The following ENDOG variants were observed in gnomAD, a reference collection of about 807,000 sequenced individuals.
ENDOG encodes the protein endonuclease G, mitochondrial.
Under a neutral mutation model 22.6 loss-of-function variants are expected in ENDOG, and 22 were observed. The observed-to-expected ratio is 0.97, with a 90% confidence interval of 0.70 to 1.39. ENDOG has a LOEUF of 1.39. Among genes scored for constraint, ENDOG ranks in the 40% most tolerant of loss-of-function variants. The pLI is 0.00. For missense variants in ENDOG, 403 were observed against 431.3 expected (o/e 0.93, Z 0.58); for synonymous variants, 173 against 200.2 (o/e 0.86, Z 1.15).
intron 1 of ENDOG, among the ~76,000 whole-genome samples, chr9:128,819,487 G>A (rs1219411862): frequency 5.3e-5 from 8 of 152,186 alleles, no homozygotes. Flanking sequence ...AGGCGCTGAG[G>A]CTCACAGAGG....
In ENDOG at chr9:128,819,201, C is replaced by G; in HGVS notation, c.501+16C>G. ...CGCGCCCCAGGTAGCGCCCGCGCCC[C>G]GGGCCGGTCGCGGAATGCGGGGCCG... On this transcript the variant is annotated intron_variant, in intron 1 of 2. Transcript: ENST00000372642. The G allele has an allele frequency of 6.9e-7, 1 of 1,450,644 alleles. No individual in the cohort carries two copies. The highest frequency in any genetic ancestry group is 9.0e-7 in the Non-Finnish European group (1 of 1,109,224). The allele number at this position is 1,450,644 out of a possible 1,614,324, so 89.9% of individuals were successfully genotyped here.
rs1830097796 is a variant in ENDOG, at chr9:128,820,821, T to G, written c.584T>G (p.Val195Gly). The G allele has an allele frequency of 4.3e-6, 7 of 1,611,446 alleles. No homozygotes were observed. Among genetic ancestry groups the G allele is most frequent in the Non-Finnish European group, 5.1e-6 (6 of 1,178,824 alleles). Residue 195 changes from valine to glycine, a missense_variant, in exon 2 of 3, where the codon GTC becomes GGC. Physicochemically the swap from Val to Gly is moderately radical, Grantham distance 109. Coordinates refer to ENST00000372642, the MANE Select transcript of ENDOG (RefSeq NM_004435.2). Reference sequence around the variant, plus strand: ...ACCCGCAGCTACCAAAACGTCTATGTCTGCACAGGGCCACTCTTCCTGCCC... The same window carrying G: ...ACCCGCAGCTACCAAAACGTCTATGGCTGCACAGGGCCACTCTTCCTGCCC... ...SLTRSYQNVYVCTGPLFLPRT... is the reference protein window; with the variant it reads ...SLTRSYQNVYGCTGPLFLPRT...
chr9:128,819,150 G>C lies in ENDOG; in HGVS notation c.466G>C (p.Asp156His), dbSNP rs913026423. 18 of 1,518,488 alleles carry C rather than the reference G, an allele frequency of 1.2e-5. No homozygotes were observed. The highest frequency in any genetic ancestry group is 1.6e-5 in the Non-Finnish European group (18 of 1,136,066). The allele number at this position is 1,518,488 out of a possible 1,614,324, so 94.1% of individuals were successfully genotyped here. ...CCACCGCTGGAGCCAGAAGGCCATG[G>C]ACGACACGTTCTACCTGAGCAACGT... is the stretch of plus-strand genomic sequence containing the variant. Reference protein sequence around the residue: ...ANHRWSQKAMDDTFYLSNVAP... With the variant: ...ANHRWSQKAMHDTFYLSNVAP... The change falls in exon 1 of 3, where the codon GAC (aspartate) becomes CAC (histidine). Residue 156 changes from aspartate to histidine, a missense_variant. Physicochemically the swap from Asp to His is moderately conservative, Grantham distance 81. Coordinates refer to ENST00000372642, the MANE Select transcript of ENDOG (RefSeq NM_004435.2).
chr9:128,820,969 C>T, intron 2 of ENDOG, 121 bp downstream of exon 2: 2 of 858,024 alleles, frequency 2.3e-6, no homozygotes, highest in Admixed American at 2.4e-5. Flanking sequence ...CATCTGGTTT[C>T]TTGGCAAGCC....
chr9:128,820,922 C>G, intron 2 of ENDOG, 74 bp downstream of exon 2: 1 of 1,375,446 alleles, frequency 7.3e-7, no homozygotes, highest in Non-Finnish European at 1.0e-6. Flanking sequence ...CAGGGCCAGG[C>G]TTGCCCCAGG....
chr9:128,821,042 C>G lies in ENDOG; in HGVS notation c.611+194C>G, dbSNP rs1453881793. Reference sequence around the variant, plus strand: ...CCACAGCCAAAGACCTGTCGGGTACCCCTGACCATCTCTCCTCTGCCCATG... The same window carrying G: ...CCACAGCCAAAGACCTGTCGGGTACGCCTGACCATCTCTCCTCTGCCCATG... On this transcript the variant is annotated intron_variant, in intron 2 of 2. Transcript: ENST00000372642. 6.7e-6 allele frequency: 4 copies of G among 596,556 alleles called. No individual in the cohort carries two copies. In the Admixed American group the frequency reaches 1.2e-4, roughly 17 times the overall value. 37.0% of individuals were successfully genotyped at this position (596,556 alleles called of 1,614,324 possible).
chr9:128,819,508 G>A, intron 1 of ENDOG: 1 of 335,444 alleles, frequency 3.0e-6, no homozygotes, highest in Non-Finnish European at 5.4e-6. Flanking sequence ...CAAAGTGACG[G>A]GCACAGTGTC....
chr9:128,822,632 T>C lies in ENDOG; in HGVS notation c.*22T>C. 1.3e-6 allele frequency: 2 copies of C among 1,562,290 alleles called. No homozygotes were observed. The highest frequency in any genetic ancestry group is 1.2e-5 in the South Asian group (1 of 84,846). ...GTGAGGGTGGAGCCCAGTGAGACTGTGGGTGTGTGCAGGCCGGGGAGTATT... is the reference window on the plus strand; with the variant it reads ...GTGAGGGTGGAGCCCAGTGAGACTGCGGGTGTGTGCAGGCCGGGGAGTATT... On this transcript the variant is annotated 3_prime_UTR_variant, in exon 3 of 3. Transcript: ENST00000372642.
At chr9:128,821,292 C>T (rs937244675) in intron 2 of ENDOG, 3 of 197,288 alleles carry the variant, frequency 1.5e-5, no homozygotes, top group African/African-American at 7.2e-5. Context: ...GTCCGAGGTG[C>T]ACCGAGCTCT....
rs2132574150 is a variant in ENDOG at position 128,819,164 on chromosome 9, C to T, written c.480C>T (p.Tyr160=). The change falls in exon 1 of 3, where the codon TAC becomes TAT. Residue 160 remains tyrosine, a synonymous_variant. Coordinates refer to ENST00000372642, the MANE Select transcript of ENDOG (RefSeq NM_004435.2). ...AGAAGGCCATGGACGACACGTTCTACCTGAGCAACGTCGCGCCCCAGGTAG... is the reference window on the plus strand; with the variant it reads ...AGAAGGCCATGGACGACACGTTCTATCTGAGCAACGTCGCGCCCCAGGTAG... ...WSQKAMDDTF[Y]LSNVAPQVPH... 2 of 1,504,776 alleles carry T rather than the reference C, an allele frequency of 1.3e-6. No individual in the cohort carries two copies. Among genetic ancestry groups the T allele is most frequent in the South Asian group, 1.2e-5 (1 of 80,524 alleles). The allele number at this position is 1,504,776 out of a possible 1,614,324, so 93.2% of individuals were successfully genotyped here.
intron 2 of ENDOG, chr9:128,821,828 A>T (rs1393520341): frequency 1.1e-5 from 2 of 174,244 alleles, no homozygotes; most frequent in African/African-American, 2.4e-5. Context: ...AGGGCTCGGC[A>T]TAGGCTGGCC....
In ENDOG at chr9:128,819,060, C is replaced by A; in HGVS notation, c.376C>A (p.Arg126Ser). The change falls in exon 1 of 3, where the codon CGT (arginine) becomes AGT (serine). Residue 126 changes from arginine (R) to serine (S), a missense_variant. Arg to Ser is a moderately radical substitution (Grantham distance 110). Transcript: ENST00000372642. ...GGACGACTCGGTGCACGCGTACCAC[C>A]GTGCCACCAACGCCGACTACCGCGG... is the stretch of plus-strand genomic sequence containing the variant. Reference protein sequence around the residue: ...REDDSVHAYHRATNADYRGSG... With the variant: ...REDDSVHAYHSATNADYRGSG... 1 of 1,517,004 alleles carries A rather than the reference C, an allele frequency of 6.6e-7. No homozygotes were observed. Among genetic ancestry groups the A allele is most frequent in the East Asian group, 2.6e-5 (1 of 38,018 alleles). The allele number at this position is 1,517,004 out of a possible 1,614,324, so 94.0% of individuals were successfully genotyped here. A position where few individuals can be genotyped will look rare whatever the true frequency, so the allele number is the denominator to read the frequency against.
chr9:128,822,207 G>A (rs1013067813), intron 2 of ENDOG, 121 bp from the exon 3 acceptor site: 17 of 1,223,870 alleles, frequency 1.4e-5, no homozygotes, highest in Non-Finnish European at 1.8e-5. Context: ...AAGTCTCACA[G>A]TGAGGGCGTG....
chr9:128,822,176 G>A (rs914227484), intron 2 of ENDOG, 152 bp from the exon 3 acceptor site: 6 of 872,448 alleles, frequency 6.9e-6, no homozygotes, highest in African/African-American at 6.8e-5. Context: ...CAGCCTCAAG[G>A]AGGAGCCAGG....
At chr9:128,820,251 C>G (rs926669740) in intron 1 of ENDOG, 3 of 155,910 alleles carry the variant, frequency 1.9e-5, no homozygotes, top group African/African-American at 4.8e-5. Context: ...CCATGGGGCA[C>G]CAACCTCTGA....
In ENDOG at chr9:128,819,115, C is replaced by A. The variant is rs750916501; in HGVS notation, c.431C>A (p.Ala144Asp). 6.6e-7 allele frequency: 1 copy of A among 1,519,814 alleles called. No individual in the cohort carries two copies. Among genetic ancestry groups the A allele is most frequent in the East Asian group, 2.7e-5 (1 of 36,790 alleles). 94.1% of individuals were successfully genotyped at this position (1,519,814 alleles called of 1,614,324 possible). ...GGCTTCGACCGCGGTCACCTGGCCG[C>A]CGCCGCCAACCACCGCTGGAGCCAG... is the stretch of plus-strand genomic sequence containing the variant. ...GSGFDRGHLAAAANHRWSQKA... is the reference protein window; with the variant it reads ...GSGFDRGHLADAANHRWSQKA... Residue 144 changes from alanine to aspartate, a missense_variant, in exon 1 of 3, where the codon GCC becomes GAC. Transcript: ENST00000372642.
intron 2 of ENDOG, 112 bp from the exon 3 acceptor site, chr9:128,822,216 T>TG: frequency 7.6e-7 from 1 of 1,308,310 alleles, no homozygotes; most frequent in East Asian, 2.4e-5. Context: ...AGTGAGGGCG[T>TG]GGTCCTGCAG....
intron 1 of ENDOG, 167 bp from the exon 2 acceptor site, chr9:128,820,572 G>A: frequency 1.6e-6 from 1 of 630,650 alleles, no homozygotes; most frequent in Non-Finnish European, 2.8e-6. Flanking sequence ...CACTCTATCA[G>A]CCCTGGGTTT....
chr9:128,819,181 C>A lies in ENDOG; in HGVS notation c.497C>A (p.Pro166His). ...ACGTTCTACCTGAGCAACGTCGCGC[C>A]CCAGGTAGCGCCCGCGCCCCGGGCC... ...DDTFYLSNVA[P>H]QVPHLNQNAW... The change falls in exon 1 of 3, where the codon CCC becomes CAC. Residue 166 changes from proline (P) to histidine (H), a missense_variant. Coordinates refer to ENST00000372642, the MANE Select transcript of ENDOG (RefSeq NM_004435.2). 6.7e-7 allele frequency: 1 copy of A among 1,481,928 alleles called. No homozygotes were observed. Among genetic ancestry groups the A allele is most frequent in the Non-Finnish European group, 8.9e-7 (1 of 1,121,978 alleles). 91.8% of individuals were successfully genotyped at this position (1,481,928 alleles called of 1,614,324 possible).
Sources: allele counts gnomAD v4.1 joint callset (sites outside exome capture counted in the v4.1 genomes callset), GRCh38; gene constraint gnomAD v4.1.1; transcripts MANE v1.5; gene names NCBI Gene and HGNC (gene_info 2026-07-23, HGNC 2026-07-21).